MYT1L: variants seen among roughly 807,000 people sequenced by gnomAD.
The protein encoded by MYT1L is myelin transcription factor 1 like.
In MYT1L, 12 loss-of-function variants were observed where a neutral mutation model predicts 126.7. The ratio of observed to expected loss-of-function variants is 0.09; its 90% CI spans 0.06 to 0.15. The LOEUF (loss-of-function observed/expected upper bound fraction) is 0.15. Ranked by LOEUF, MYT1L falls within the 10% of genes least tolerant of loss-of-function variation. The pLI is 1.00. For synonymous variants in MYT1L, 541 were observed against 604.2 expected, an observed-to-expected ratio of 0.90 and a Z score of 1.53; for missense variants, 979 against 1,585.2, an observed-to-expected ratio of 0.62 and a Z score of 6.49.
intron 3 of MYT1L, among the ~76,000 whole-genome samples, chr2:2,138,904 T>C (rs1005803521): frequency 1.3e-5 from 2 of 150,506 alleles, no homozygotes; most frequent in African/African-American, 4.9e-5. Flanking sequence ...GTTTCCCGCC[T>C]GGGCCGCAGT....
chr2:2,010,609 C>T (rs927927736), intron 4 of MYT1L, among the ~76,000 whole-genome samples: 24 of 152,020 alleles, frequency 1.6e-4, no homozygotes, highest in African/African-American at 5.6e-4. Context: ...GTGATCGATC[C>T]GACGCCCTTC....
intron 4 of MYT1L, among the ~76,000 whole-genome samples, chr2:2,051,669 T>C (rs937716438): frequency 4.6e-5 from 7 of 152,242 alleles, no homozygotes; most frequent in Admixed American, 3.9e-4. Context: ...AACATCTTCA[T>C]CTTTGGGGAA....
At chr2:2,118,608 C>T (rs1373699852) in intron 3 of MYT1L, among the ~76,000 whole-genome samples, 4 of 152,116 alleles carry the variant, frequency 2.6e-5, no homozygotes, top group African/African-American at 9.7e-5. Flanking sequence ...GAAAATTCCT[C>T]AAATTTTAAA....
chr2:1,967,439 G>A (rs1239808006), intron 8 of MYT1L, among the ~76,000 whole-genome samples: 2 of 152,200 alleles, frequency 1.3e-5, no homozygotes, highest in African/African-American at 4.8e-5. Flanking sequence ...CGGGGTGAAC[G>A]CGTGCTAAAG....
chr2:2,293,069 T>C (rs1375504577), intron 1 of MYT1L, among the ~76,000 whole-genome samples: 1 of 152,176 alleles, frequency 6.6e-6, no homozygotes, highest in Non-Finnish European at 1.5e-5. Flanking sequence ...AGGCTCTGGA[T>C]CTGGGGCCAA....
chr2:2,173,901 C>T (rs2090402848), intron 2 of MYT1L, among the ~76,000 whole-genome samples: 1 of 152,184 alleles, frequency 6.6e-6, no homozygotes, highest in Non-Finnish European at 1.5e-5. Flanking sequence ...AGATACTGTA[C>T]TTCCCGCCTG....
intron 2 of MYT1L, among the ~76,000 whole-genome samples, chr2:2,180,397 G>C (rs1447172680): frequency 6.6e-6 from 1 of 151,338 alleles, no homozygotes; most frequent in Non-Finnish European, 1.5e-5. Flanking sequence ...TATCAGGAAA[G>C]AAGACGAGAG....
chr2:1,871,305 C>T (rs1280725662), intron 18 of MYT1L, among the ~76,000 whole-genome samples: 2 of 152,228 alleles, frequency 1.3e-5, no homozygotes, highest in African/African-American at 4.8e-5. Context: ...ATGGAGGGGA[C>T]TCTGTGGGAA....
chr2:2,028,350 T>C (rs775865762), intron 4 of MYT1L, among the ~76,000 whole-genome samples: 1 of 152,172 alleles, frequency 6.6e-6, no homozygotes, highest in Non-Finnish European at 1.5e-5. Context: ...CTTACACTTA[T>C]GCCTAAAGCA....
At chr2:2,204,222 C>T (rs1219973389) in intron 2 of MYT1L, among the ~76,000 whole-genome samples, 1 of 152,140 alleles carries the variant, frequency 6.6e-6, no homozygotes, top group East Asian at 1.9e-4. Flanking sequence ...ATGTCTAAAA[C>T]ACCAAAAGCA....
At chr2:1,957,094 G>A (rs190105376) in intron 8 of MYT1L, among the ~76,000 whole-genome samples, 89 of 152,276 alleles carry the variant, frequency 5.8e-4, no homozygotes, top group Admixed American at 3.5e-3. Flanking sequence ...AGAGTGCCGG[G>A]CACAGGGAGG....
intron 2 of MYT1L, among the ~76,000 whole-genome samples, chr2:2,214,651 G>A (rs1461660891): frequency 1.3e-5 from 2 of 152,132 alleles, no homozygotes; most frequent in Non-Finnish European, 2.9e-5. Flanking sequence ...GTAAGACAAA[G>A]ACTTCTTCAG....
intron 8 of MYT1L, among the ~76,000 whole-genome samples, chr2:1,958,101 C>T (rs772826342): frequency 1.3e-5 from 2 of 151,146 alleles, no homozygotes; most frequent in African/African-American, 2.5e-5. Flanking sequence ...CTGCACTTGT[C>T]GCTAAGGTCT....
chr2:1,808,691 G>A (rs1473494519), intron 22 of MYT1L, among the ~76,000 whole-genome samples: 1 of 152,154 alleles, frequency 6.6e-6, no homozygotes, highest in Non-Finnish European at 1.5e-5. Flanking sequence ...ACAGGGGAGG[G>A]GGTGCCATCC....
intron 2 of MYT1L, among the ~76,000 whole-genome samples, chr2:2,226,617 A>G (rs2094016732): frequency 6.6e-6 from 1 of 152,104 alleles, no homozygotes; most frequent in Admixed American, 6.5e-5. Flanking sequence ...TGGCAGGGCA[A>G]AGTGCAGCCT....
At position 2,059,253 on chromosome 2, in the gene MYT1L, C is replaced by A. The variant is rs371360851; in HGVS notation, c.-303-5130G>T. On this transcript the variant is annotated intron_variant, in intron 3 of 24. Transcript: ENST00000647738. This position sits in a 1 kb window ranked among gnomAD's most constrained non-coding sequence, Gnocchi z 4.7. The stretch of plus-strand genomic sequence containing the variant: ...TTCTTACTCTGGGTGAGGGCATCAA[C>A]GGGGTCGCAACTGCTTTTCGCAGGA... Among the ~76,000 whole-genome samples, 15 of 152,142 alleles carry A rather than the reference C, an allele frequency of 9.9e-5. No homozygotes were observed. Among genetic ancestry groups the A allele is most frequent in the African/African-American group, 3.4e-4 (14 of 41,386 alleles).
Position 1,791,635 on chromosome 2 carries a change from G to T in MYT1L, c.*232C>A. 1 of 494,130 alleles carries T rather than the reference G, an allele frequency of 2.0e-6. No homozygotes were observed. Among genetic ancestry groups the T allele is most frequent in the South Asian group, 3.2e-5 (1 of 31,104 alleles). The allele number at this position is 494,130 out of a possible 1,614,324, so 30.6% of individuals were successfully genotyped here. On this transcript the variant is annotated 3_prime_UTR_variant, in exon 25 of 25. Transcript: ENST00000647738. The surrounding 1 kb of genome is among the most constrained non-coding windows in gnomAD (Gnocchi z 6.0). The stretch of plus-strand genomic sequence containing the variant: ...ACATCAGCAGCTATAAACATTACAT[G>T]GCAGAACACTATGTCAGCTTACATG...
chr2:2,244,574 C>T (rs1247135824), intron 2 of MYT1L, among the ~76,000 whole-genome samples: 1 of 152,152 alleles, frequency 6.6e-6, no homozygotes, highest in African/African-American at 2.4e-5. Context: ...CTTGAAGCCC[C>T]TGGGAGAAGA....
At chr2:1,964,564 ATTGT>A (rs2059196435) in intron 8 of MYT1L, among the ~76,000 whole-genome samples, 1 of 152,206 alleles carries the variant, frequency 6.6e-6, no homozygotes, top group Non-Finnish European at 1.5e-5. Context: ...AATACTTTGA[ATTGT>A]TTATTTTTAT....
Sources: gnomAD v4.1 joint callset for allele counts (sites outside exome capture counted in the v4.1 genomes callset) on GRCh38, gnomAD v4.1.1 for gene constraint, Gnocchi (gnomAD v3.1) non-coding constraint, MANE v1.5 for transcripts, NCBI Gene and HGNC (gene_info 2026-07-23, HGNC 2026-07-21) for gene names.